RASAL2: variants seen among roughly 807,000 people sequenced by gnomAD.
RASAL2 encodes the protein ras GTPase-activating protein nGAP.
In RASAL2, 58 loss-of-function variants were observed where a neutral mutation model predicts 128.9. The ratio of observed to expected loss-of-function variants is 0.45; its 90% CI spans 0.36 to 0.56. RASAL2 has a LOEUF of 0.56. Among genes scored for constraint, RASAL2 ranks in the 20% least tolerant of loss-of-function variants. RASAL2 has a pLI of 0.00. For synonymous variants in RASAL2, 561 were observed against 580.8 expected, an observed-to-expected ratio of 0.97 and a Z score of 0.49; for missense variants, 1,360 against 1,601.6, an observed-to-expected ratio of 0.85 and a Z score of 2.57.
chr1:178,130,851 G>T (rs967809568), intron 1 of RASAL2, among the ~76,000 whole-genome samples: 1 of 152,002 alleles, frequency 6.6e-6, no homozygotes, highest in African/African-American at 2.4e-5. Flanking sequence ...TCAGGAGATC[G>T]AGACCATCCT....
chr1:178,334,661 A>C (rs2102382509), intron 3 of RASAL2, among the ~76,000 whole-genome samples: 1 of 152,376 alleles, frequency 6.6e-6, no homozygotes, highest in East Asian at 1.9e-4. Context: ...TAAAAGATAA[A>C]AAAATGCATG....
intron 1 of RASAL2, among the ~76,000 whole-genome samples, chr1:178,099,009 T>C (rs1188658920): frequency 6.6e-6 from 1 of 152,196 alleles, no homozygotes; most frequent in East Asian, 1.9e-4. Context: ...TCATATCTGG[T>C]TGTATTATAT....
In RASAL2 at chr1:178,456,827, A is replaced by G. The variant is rs749224790; in HGVS notation, c.2318A>G (p.His773Arg). 1 of 1,614,216 alleles carries G rather than the reference A, an allele frequency of 6.2e-7. No individual in the cohort carries two copies. The highest frequency in any genetic ancestry group is 8.5e-7 in the Non-Finnish European group (1 of 1,180,036). ...CAGCAACTGAGACGCTTCACTGAACATAACTCCAGTCCAAATGTCAGTGGA... is the reference window on the plus strand; with the variant it reads ...CAGCAACTGAGACGCTTCACTGAACGTAACTCCAGTCCAAATGTCAGTGGA... The part of the protein sequence containing the change: ...IQQQLRRFTE[H>R]NSSPNVSGSL... Residue 773 changes from histidine (H) to arginine (R), a missense_variant, in exon 13 of 18, where the codon CAT becomes CGT. This residue lies in a region of RASAL2 where 741 missense variants were observed against 868.6 expected (regional missense o/e 0.85). Transcript: ENST00000367649.
intron 2 of RASAL2, 145 bp from the exon 3 acceptor site, chr1:178,299,847 C>T: frequency 2.6e-6 from 2 of 773,600 alleles, no homozygotes; most frequent in South Asian, 2.1e-5. Flanking sequence ...AATACCTTAC[C>T]ATTGTATATA....
chr1:178,464,831 G>GTTTTTTTTTTTTTTTTTTTTTTTTTTTT lies in RASAL2; in HGVS notation c.3387+444_3387+445insTTTTTTTTTTTTTTTTTTTTTTTTTTTT, dbSNP rs986789340. 3.1e-4 allele frequency among the ~76,000 whole-genome samples: 12 copies of GTTTTTTTTTTTTTTTTTTTTTTTTTTTT among 38,204 alleles called. 1 individual carries two copies. Among genetic ancestry groups the GTTTTTTTTTTTTTTTTTTTTTTTTTTTT allele is most frequent in the African/African-American group, 1.2e-3 (10 of 8,240 alleles). 25.1% of individuals were successfully genotyped at this position (38,204 alleles called of 152,430 possible). A position where few individuals can be genotyped will look rare whatever the true frequency, so the allele number is the denominator to read the frequency against. On this transcript the variant is annotated intron_variant, in intron 15 of 17. Coordinates refer to ENST00000367649, the MANE Select transcript of RASAL2 (RefSeq NM_170692.4). Reference sequence around the variant, plus strand: ...TAACAATTAGGTTTTGGTTTTAGTTGTTTTTTTTTTTTTTTTTTTTTTTTT... The same window carrying GTTTTTTTTTTTTTTTTTTTTTTTTTTTT: ...TAACAATTAGGTTTTGGTTTTAGTTGTTTTTTTTTTTTTTTTTTTTTTTTTTTTTTTTTTTTTTTTTTTTTTTTTTTTT...
chr1:178,388,475 G>A (rs1237462063), intron 3 of RASAL2, among the ~76,000 whole-genome samples: 1 of 152,100 alleles, frequency 6.6e-6, no homozygotes, highest in Non-Finnish European at 1.5e-5. Flanking sequence ...AGAAGTTAAG[G>A]GACTTACAGT....
intron 1 of RASAL2, among the ~76,000 whole-genome samples, chr1:178,162,970 T>G (rs914645966): frequency 6.6e-6 from 1 of 151,844 alleles, no homozygotes; most frequent in Non-Finnish European, 1.5e-5. Flanking sequence ...TTTTACACTT[T>G]CTTTGTTTTT....
intron 10 of RASAL2, among the ~76,000 whole-genome samples, 177 bp from the exon 11 acceptor site, chr1:178,452,239 G>A (rs1383558671): frequency 6.6e-6 from 1 of 152,116 alleles, no homozygotes; most frequent in Non-Finnish European, 1.5e-5. Context: ...TCTGGCCTCT[G>A]TGAATTTTCC....
At position 178,390,709 on chromosome 1, in the gene RASAL2, G is replaced by A. The variant is rs369210023; in HGVS notation, c.564+503G>A. ...CTACTTTCAGTATAATATTTATTAG[G>A]TTTTAGGGAATATTATTTTTACTCA... On this transcript the variant is annotated intron_variant, in intron 4 of 17. Transcript: ENST00000367649. Among the ~76,000 whole-genome samples, 59 of 152,190 alleles carry A rather than the reference G, an allele frequency of 3.9e-4. No homozygotes were observed. In the South Asian group the frequency reaches 0.012, roughly 32 times the overall value.
rs556891379 is a variant in RASAL2, at chr1:178,433,848, C to T, written c.675-5574C>T. On this transcript the variant is annotated intron_variant, in intron 5 of 17. Transcript: ENST00000367649. Reference sequence around the variant, plus strand: ...ACCAGAATCACTTGAACCCAGGAGGCGGAAGTTTCAGTGAGCTGAGATTGC... The same window carrying T: ...ACCAGAATCACTTGAACCCAGGAGGTGGAAGTTTCAGTGAGCTGAGATTGC... 2.2e-4 allele frequency among the ~76,000 whole-genome samples: 34 copies of T among 151,604 alleles called. No homozygotes were observed. The East Asian group carries it at 5.9e-3, about 26-fold the overall frequency.
chr1:178,135,782 G>A (rs1352772731), intron 1 of RASAL2, among the ~76,000 whole-genome samples: 1 of 152,170 alleles, frequency 6.6e-6, no homozygotes, highest in Non-Finnish European at 1.5e-5. Context: ...GCAAGGAGGA[G>A]CAAGTCCCAT....
chr1:178,446,034 C>T (rs1413217415), intron 9 of RASAL2, among the ~76,000 whole-genome samples: 1 of 152,172 alleles, frequency 6.6e-6, no homozygotes, highest in Admixed American at 6.6e-5. Flanking sequence ...CATTTGTTAT[C>T]ATGCATGCAA....
intron 1 of RASAL2, among the ~76,000 whole-genome samples, chr1:178,271,644 GTTC>G (rs1666262839): frequency 1.3e-5 from 2 of 152,234 alleles, no homozygotes; most frequent in South Asian, 2.1e-4. Context: ...CCTCAAAGTT[GTTC>G]TTCTTTCAGA....
At chr1:178,275,546 T>G (rs992325269) in intron 1 of RASAL2, among the ~76,000 whole-genome samples, 4 of 152,244 alleles carry the variant, frequency 2.6e-5, no homozygotes, top group South Asian at 2.1e-4. Flanking sequence ...CAAACTAAAA[T>G]GAGCTCTTCT....
At chr1:178,312,541 A>G (rs910282950) in intron 3 of RASAL2, among the ~76,000 whole-genome samples, 1 of 152,168 alleles carries the variant, frequency 6.6e-6, no homozygotes, top group Non-Finnish European at 1.5e-5. Flanking sequence ...GAAGCTAATG[A>G]AAGATATGTT....
At chr1:178,375,874 A>G (rs1463124565) in intron 3 of RASAL2, among the ~76,000 whole-genome samples, 1 of 152,192 alleles carries the variant, frequency 6.6e-6, no homozygotes, top group East Asian at 1.9e-4. Context: ...ATCCACATCC[A>G]GACAGAAAAA....
At position 178,279,083 on chromosome 1, in the gene RASAL2, T is replaced by G. The variant is rs553892883; in HGVS notation, c.203-4481T>G. 1.6e-3 allele frequency among the ~76,000 whole-genome samples: 237 copies of G among 152,288 alleles called. 1 individual carries two copies. The highest frequency in any genetic ancestry group is 0.014 in the Middle Eastern group (4 of 294). On this transcript the variant is annotated intron_variant, in intron 1 of 17. Coordinates refer to ENST00000367649, the MANE Select transcript of RASAL2 (RefSeq NM_170692.4). ...AGTGGCAGGCCAAATGACTTAGTAT[T>G]TTGAATGCTGTTTTGAAATTATTTG... is the stretch of plus-strand genomic sequence containing the variant.
chr1:178,195,307 T>C (rs965837793), intron 1 of RASAL2, among the ~76,000 whole-genome samples: 2 of 152,244 alleles, frequency 1.3e-5, no homozygotes, highest in African/African-American at 4.8e-5. Flanking sequence ...TAGGCGTTTA[T>C]TAAATATTTC....
intron 1 of RASAL2, among the ~76,000 whole-genome samples, chr1:178,129,735 T>C (rs1293987321): frequency 1.3e-5 from 2 of 152,244 alleles, no homozygotes; most frequent in African/African-American, 4.8e-5. Context: ...GTGATCCATT[T>C]AAGTTAATTT....
Sources: gnomAD v4.1 joint callset for allele counts (sites outside exome capture counted in the v4.1 genomes callset) on GRCh38, gnomAD v4.1.1 for gene constraint, gnomAD v4.1.1 regional missense constraint, MANE v1.5 for transcripts, NCBI Gene and HGNC (gene_info 2026-07-23, HGNC 2026-07-21) for gene names.